TMEM253: variants seen among roughly 807,000 people sequenced by gnomAD.
TMEM253 encodes transmembrane protein C14orf176.
Under a neutral mutation model 20.3 loss-of-function variants are expected in TMEM253, and 22 were observed. That is an observed-to-expected ratio of 1.08 (90% CI 0.78 to 1.55). TMEM253 has a LOEUF of 1.55. Ranked by LOEUF, TMEM253 falls within the 40% of genes most tolerant of loss-of-function variation. The probability of loss-of-function intolerance (pLI) is 0.00; values close to 1 mark genes in which losing one functional copy is unlikely to be tolerated. For missense variants in TMEM253, 251 were observed against 266.1 expected (o/e 0.94, Z 0.39); for synonymous variants, 92 against 102.6 (o/e 0.90, Z 0.62).
exon 7 of TMEM253, chr14:21,103,582 C>T (rs1165605268): frequency 7.1e-6 from 2 of 281,414 alleles, no homozygotes; most frequent in South Asian, 3.9e-5. Flanking sequence ...ACCCTGCACA[C>T]GCCAACTCCC....
At chr14:21,101,330 T>G in exon 2 of TMEM253, 1 of 1,551,074 alleles carries the variant, frequency 6.4e-7, no homozygotes, top group South Asian at 1.2e-5. Flanking sequence ...CTAATTCTTG[T>G]GGGCAAAGGA....
chr14:21,103,220 C>T lies in TMEM253; in HGVS notation c.616C>T (p.Gln206Ter), dbSNP rs1039472796. ...CACAGGAGCAAATGAGAGGGTGGGACAGCGGGAACAGACACGTGCTGCTCT... is the reference window on the plus strand; with the variant it reads ...CACAGGAGCAAATGAGAGGGTGGGATAGCGGGAACAGACACGTGCTGCTCT... Residue 206 changes from glutamine (Q) to a stop codon, truncating the protein, a stop_gained, in exon 7 of 7, where the codon CAG (glutamine) becomes TAG (stop). Transcript: ENST00000556585. LOFTEE classifies it low-confidence loss of function (END_TRUNC). The T allele has an allele frequency of 6.4e-7, 1 of 1,551,662 alleles. No individual in the cohort carries two copies. The highest frequency in any genetic ancestry group is 2.4e-5 in the East Asian group (1 of 40,918).
In TMEM253 at chr14:21,102,520, T is replaced by G; in HGVS notation, c.387+5T>G. 1 of 1,551,664 alleles carries G rather than the reference T, an allele frequency of 6.4e-7. No individual in the cohort carries two copies. Among genetic ancestry groups the G allele is most frequent in the African/African-American group, 1.4e-5 (1 of 73,136 alleles). On this transcript the variant is annotated splice_donor_5th_base_variant and intron_variant, in intron 5 of 6. Transcript: ENST00000556585. ...GCCCCAACTGCCTCCTCCCAGGTAC[T>G]GGTCAATGAAGGAGAAGGTGGGAGG...
intron 4 of TMEM253, 113 bp from the exon 5 acceptor site, chr14:21,102,292 G>C: frequency 3.5e-6 from 5 of 1,433,776 alleles, no homozygotes; most frequent in Non-Finnish European, 4.7e-6. Context: ...TTATGGCCCT[G>C]TTTGGAGGCT....
At chr14:21,102,824 AT>A in intron 6 of TMEM253, 45 bp downstream of exon 6, 1 of 1,537,064 alleles carries the variant, frequency 6.5e-7, no homozygotes. Flanking sequence ...CTGCCAACTA[AT>A]TTTTCCACTG....
At chr14:21,098,949 G>C (rs1307797297), upstream of TMEM253, 1 of 851,548 alleles carries the variant, frequency 1.2e-6, no homozygotes, top group Non-Finnish European at 1.6e-6. Context: ...CGATTATAGA[G>C]ATAGTTAATG....
chr14:21,103,252 A>G (rs1427988913), exon 7 of TMEM253: 2 of 1,551,120 alleles, frequency 1.3e-6, no homozygotes, highest in Admixed American at 3.9e-5. Flanking sequence ...CTCTCCTTCC[A>G]CCCTGAGAGA....
chr14:21,103,067 A>G (rs1889748732), intron 6 of TMEM253, 72 bp from the exon 7 acceptor site: 7 of 1,549,320 alleles, frequency 4.5e-6, no homozygotes, highest in Non-Finnish European at 6.1e-6. Flanking sequence ...GGCAGGAGGA[A>G]GCAGTTGTTT....
exon 7 of TMEM253, chr14:21,103,285 T>TCCCAC: frequency 6.5e-7 from 1 of 1,544,332 alleles, no homozygotes; most frequent in Non-Finnish European, 8.7e-7. Flanking sequence ...CATTCCTGCA[T>TCCCAC]CCCACCCCAC....
At chr14:21,102,692 G>T (rs1334664580) in exon 6 of TMEM253, 1 of 1,551,578 alleles carries the variant, frequency 6.4e-7, no homozygotes, top group South Asian at 1.2e-5. Context: ...GGGGAGTGCT[G>T]GTCTCAGTGC....
At chr14:21,101,542 C>T in intron 2 of TMEM253, 91 bp downstream of exon 2, 1 of 1,226,412 alleles carries the variant, frequency 8.2e-7, no homozygotes, top group Non-Finnish European at 1.1e-6. Flanking sequence ...TAAGTGAGCA[C>T]CTACCATGTG....
exon 3 of TMEM253, chr14:21,101,901 C>T: frequency 6.4e-7 from 1 of 1,551,618 alleles, no homozygotes; most frequent in Non-Finnish European, 8.7e-7. Flanking sequence ...TGTGGTGCCC[C>T]TTGCTGTCTC....
upstream of TMEM253, chr14:21,101,062 C>A (rs1889596027): frequency 6.2e-6 from 2 of 324,578 alleles, no homozygotes; most frequent in South Asian, 6.2e-5. Context: ...CCCCACCACA[C>A]CCCATCCCTG....
In TMEM253 at chr14:21,101,929, C is replaced by CT; in HGVS notation, c.174dup (p.Asp59Ter). On this transcript the variant is annotated frameshift_variant, in exon 3 of 7. Transcript: ENST00000556585. LOFTEE classifies it high-confidence loss of function. ...GCTGTCTCAGTCGCCTGCCTGAACTCTGATTGTCACATGGCCACAGCGCTG... is the reference window on the plus strand; with the variant it reads ...GCTGTCTCAGTCGCCTGCCTGAACTCTTGATTGTCACATGGCCACAGCGCTG... 13 of 1,551,646 alleles carry CT rather than the reference C, an allele frequency of 8.4e-6. No homozygotes were observed. Among genetic ancestry groups the CT allele is most frequent in the East Asian group, 2.4e-5 (1 of 40,916 alleles).
exon 2 of TMEM253, chr14:21,101,326 C>A (rs1889615812): frequency 6.4e-7 from 1 of 1,550,780 alleles, no homozygotes; most frequent in South Asian, 1.2e-5. Context: ...GCACCTAATT[C>A]TTGTGGGCAA....
exon 3 of TMEM253, chr14:21,101,915 C>T (rs532039799): frequency 2.7e-5 from 42 of 1,551,590 alleles, no homozygotes; most frequent in Non-Finnish European, 3.2e-5. Flanking sequence ...CTGTCTCAGT[C>T]GCCTGCCTGA....
chr14:21,101,634 A>C (rs1889637064), intron 2 of TMEM253, 183 bp downstream of exon 2: 1 of 665,582 alleles, frequency 1.5e-6, no homozygotes, highest in African/African-American at 1.8e-5. Flanking sequence ...TAATCTCCCA[A>C]GTAGCTTCCA....
intron 2 of TMEM253, 48 bp downstream of exon 2, chr14:21,101,499 C>T (rs1889629698): frequency 6.7e-7 from 1 of 1,484,262 alleles, no homozygotes; most frequent in Non-Finnish European, 9.2e-7. Context: ...CCACTTCTAC[C>T]CAATTCAATT....
chr14:21,099,817 A>G (rs1027817693), upstream of TMEM253, among the ~76,000 whole-genome samples: 2 of 152,212 alleles, frequency 1.3e-5, no homozygotes, highest in Non-Finnish European at 2.9e-5. Flanking sequence ...AAGGGCACCT[A>G]GGTAGATCTG....
Sources: gnomAD v4.1 joint callset for allele counts (sites outside exome capture counted in the v4.1 genomes callset) on GRCh38, gnomAD v4.1.1 for gene constraint, MANE v1.5 for transcripts, NCBI Gene and HGNC (gene_info 2026-07-23, HGNC 2026-07-21) for gene names.